Variants in OCIAD1 observed in about 807,000 individuals in gnomAD.
The protein encoded by OCIAD1 is OCIA domain containing 1.
A neutral mutation model predicts 38.9 loss-of-function variants in OCIAD1; 29 were observed. The ratio of observed to expected loss-of-function variants is 0.74; its 90% CI spans 0.55 to 1.02. The LOEUF is 1.02. Ranked by LOEUF, OCIAD1 falls within the 50% of genes least tolerant of loss-of-function variation. The pLI, the probability that OCIAD1 is intolerant of heterozygous loss-of-function variation, is 0.00. For synonymous variants in OCIAD1, 110 were observed against 92.0 expected (o/e 1.20, Z -1.12); for missense variants, 288 against 289.6 (o/e 0.99, Z 0.04).
At chr4:48,850,504 A>T (rs1379764982) in intron 6 of OCIAD1, among the ~76,000 whole-genome samples, 5 of 152,192 alleles carry the variant, frequency 3.3e-5, no homozygotes, top group African/African-American at 1.2e-4. Flanking sequence ...GGGCTCAATC[A>T]GTCCTCCTGC....
chr4:48,829,005 A>G (rs1342564491), upstream of OCIAD1, among the ~76,000 whole-genome samples: 2 of 152,216 alleles, frequency 1.3e-5, no homozygotes, highest in South Asian at 2.1e-4. Flanking sequence ...TCATGCCTAT[A>G]ACCCCAGCAC....
chr4:48,828,095 G>A (rs1447354613), upstream of OCIAD1, among the ~76,000 whole-genome samples: 2 of 152,014 alleles, frequency 1.3e-5, no homozygotes, highest in South Asian at 4.1e-4. Flanking sequence ...TAATCTAGTG[G>A]GGACTTGGAG....
chr4:48,846,585 A>G (rs1778996823), intron 4 of OCIAD1, among the ~76,000 whole-genome samples: 1 of 152,002 alleles, frequency 6.6e-6, no homozygotes. Context: ...TGTCTCTACT[A>G]AAAATACAAA....
At chr4:48,819,329 A>G (rs539081262) in intron 1 of OCIAD1, among the ~76,000 whole-genome samples, 3 of 152,294 alleles carry the variant, frequency 2.0e-5, no homozygotes, top group African/African-American at 7.2e-5. Flanking sequence ...ACAAAATCCT[A>G]TACAGACAAG....
intron 7 of OCIAD1, among the ~76,000 whole-genome samples, chr4:48,854,122 C>G (rs1329845831): frequency 6.6e-6 from 1 of 152,152 alleles, no homozygotes; most frequent in Admixed American, 6.5e-5. Context: ...ATCCATTCTT[C>G]TTGTACAGTA....
At chr4:48,843,633 C>T (rs1414871268) in intron 4 of OCIAD1, among the ~76,000 whole-genome samples, 1 of 152,008 alleles carries the variant, frequency 6.6e-6, no homozygotes, top group African/African-American at 2.4e-5. Flanking sequence ...AACATAGAAG[C>T]GAGTCAAGAT....
At chr4:48,847,691 G>A (rs1267505372) in intron 4 of OCIAD1, among the ~76,000 whole-genome samples, 1 of 152,164 alleles carries the variant, frequency 6.6e-6, no homozygotes, top group Non-Finnish European at 1.5e-5. Context: ...AAGTGTGCAG[G>A]TGTGGATCTG....
intron 1 of OCIAD1, among the ~76,000 whole-genome samples, chr4:48,810,534 C>A (rs1165706099): frequency 6.6e-6 from 1 of 150,748 alleles, no homozygotes; most frequent in African/African-American, 2.4e-5. Flanking sequence ...CCTCGAACTT[C>A]GTGGGCTCAA....
intron 2 of OCIAD1, 187 bp downstream of exon 2, chr4:48,832,869 T>G (rs1460683061): frequency 3.4e-6 from 2 of 589,810 alleles, no homozygotes; most frequent in Non-Finnish European, 6.1e-6. Context: ...TCCCACGTTT[T>G]TATTTTGCAC....
rs1780567070 is a variant in OCIAD1 at position 48,861,135 on chromosome 4, A to G, written c.*373A>G. 1 of 179,752 alleles carries G rather than the reference A, an allele frequency of 5.6e-6. No individual in the cohort carries two copies. 11.1% of individuals were successfully genotyped at this position (179,752 alleles called of 1,614,324 possible). A position where few individuals can be genotyped will look rare whatever the true frequency, so the allele number is the denominator to read the frequency against. The stretch of plus-strand genomic sequence containing the variant: ...ATTGGGGTGGATGGGGGGAGCAAGC[A>G]TAATTTTTAAGTGTGAAGCTTTGCA... On this transcript the variant is annotated 3_prime_UTR_variant, in exon 9 of 9. Transcript: ENST00000264312.
At chr4:48,824,781 G>C (rs1777232075) in intron 1 of OCIAD1, among the ~76,000 whole-genome samples, 1 of 152,144 alleles carries the variant, frequency 6.6e-6, no homozygotes, top group Admixed American at 6.5e-5. Context: ...TGTTGTTCAG[G>C]CTGGAGTGCA....
At chr4:48,843,951 A>G (rs1778753180) in intron 4 of OCIAD1, among the ~76,000 whole-genome samples, 1 of 152,270 alleles carries the variant, frequency 6.6e-6, no homozygotes, top group South Asian at 2.1e-4. Context: ...TGTTGAAGCA[A>G]ATAGAAAATT....
intron 1 of OCIAD1, among the ~76,000 whole-genome samples, chr4:48,816,448 G>A (rs1033749071): frequency 1.9e-4 from 28 of 151,030 alleles, no homozygotes; most frequent in Non-Finnish European, 5.9e-5. Context: ...CAGGGGAATC[G>A]CTTGAACCTG....
chr4:48,824,432 G>A (rs1367834619), intron 1 of OCIAD1, among the ~76,000 whole-genome samples: 1 of 152,046 alleles, frequency 6.6e-6, no homozygotes, highest in Non-Finnish European at 1.5e-5. Context: ...TCAGGCTGGA[G>A]TGTACAGGCA....
At chr4:48,840,860 A>C (rs71595619) in intron 3 of OCIAD1, among the ~76,000 whole-genome samples, 2 of 149,796 alleles carry the variant, frequency 1.3e-5, no homozygotes, top group South Asian at 4.2e-4. Context: ...AAGAAAAAAG[A>C]CAAAAAATTA....
intron 3 of OCIAD1, among the ~76,000 whole-genome samples, chr4:48,838,754 A>T (rs1213291092): frequency 1.3e-5 from 2 of 152,238 alleles, no homozygotes; most frequent in African/African-American, 2.4e-5. Flanking sequence ...AATTTTTTAT[A>T]CATTTTTTAG....
intron 4 of OCIAD1, among the ~76,000 whole-genome samples, 155 bp from the exon 5 acceptor site, chr4:48,848,244 G>T (rs972083112): frequency 3.3e-5 from 5 of 151,916 alleles, no homozygotes; most frequent in Non-Finnish European, 7.4e-5. Context: ...TATTTCTCTT[G>T]ATACTGAATT....
At chr4:48,820,357 G>GACATACTAGAAACAAAGAA (rs1777183028) in intron 1 of OCIAD1, among the ~76,000 whole-genome samples, 1 of 152,008 alleles carries the variant, frequency 6.6e-6, no homozygotes, top group Admixed American at 6.6e-5. Flanking sequence ...AACCAATGAG[G>GACATACTAGAAACAAAGAA]ACAAAGAAAC....
chr4:48,856,000 T>C (rs367749997), intron 7 of OCIAD1: 4 of 152,170 alleles, frequency 2.6e-5, no homozygotes, highest in Non-Finnish European at 4.4e-5. Flanking sequence ...AAAACATCTT[T>C]GAAAAACAGT....
Sources: allele counts gnomAD v4.1 joint callset (sites outside exome capture counted in the v4.1 genomes callset), GRCh38; gene constraint gnomAD v4.1.1; transcripts MANE v1.5; gene names NCBI Gene and HGNC (gene_info 2026-07-23, HGNC 2026-07-21).